Variants in ADCY3 observed in about 807,000 individuals in gnomAD.
The protein encoded by ADCY3 is adenylate cyclase type 3.
Under a neutral mutation model 119.4 loss-of-function variants are expected in ADCY3, and 70 were observed. The observed-to-expected ratio is 0.59, with a 90% CI of 0.48 to 0.72. The LOEUF is 0.72. Ranked by LOEUF, ADCY3 falls within the 30% of genes least tolerant of loss-of-function variation. ADCY3 has a pLI of 0.00. For missense variants in ADCY3, 1,238 were observed against 1,541.6 expected (o/e 0.80, Z 3.30); for synonymous variants, 672 against 621.4 (o/e 1.08, Z -1.21).
At chr2:24,912,183 G>T (rs1471758423) in intron 2 of ADCY3, among the ~76,000 whole-genome samples, 1 of 152,036 alleles carries the variant, frequency 6.6e-6, no homozygotes, top group Non-Finnish European at 1.5e-5. Context: ...TTTGGTGATG[G>T]CTGGGCATGG....
rs747591240 is a variant in ADCY3, at chr2:24,834,904, C to T, written c.1695G>A (p.Arg565=). The T allele has an allele frequency of 6.2e-7, 1 of 1,613,784 alleles. No homozygotes were observed. The highest frequency in any genetic ancestry group is 8.5e-7 in the Non-Finnish European group (1 of 1,179,970). ...CAGCCAGGTCCTGCAGGCGCAGCCTCCGGCGTGGGTTGGGGAATGAGGGGT... is the reference window on the plus strand; with the variant it reads ...CAGCCAGGTCCTGCAGGCGCAGCCTTCGGCGTGGGTTGGGGAATGAGGGGT... ...ADNPSFPNPR[R]RLRLQDLADR... Residue 565 remains arginine, a synonymous_variant, in exon 10 of 22, where the codon CGG becomes CGA. Transcript: ENST00000679454. This position sits in a 1 kb window ranked among gnomAD's most constrained non-coding sequence, Gnocchi z 4.2.
chr2:24,834,761 T>C lies in ADCY3; in HGVS notation c.1805+33A>G. The C allele has an allele frequency of 6.2e-7, 1 of 1,601,506 alleles. No homozygotes were observed. The highest frequency in any genetic ancestry group is 1.1e-5 in the South Asian group (1 of 90,800). On this transcript the variant is annotated intron_variant, in intron 10 of 21. Transcript: ENST00000679454. This position sits in a 1 kb window ranked among gnomAD's most constrained non-coding sequence, Gnocchi z 4.2. ...ATCCCTTGTCAGGGCCCGGGAGGAG[T>C]GGTGGGCCTGGACGCTTCCGGGTGG...
rs146553503 is a variant in ADCY3 at position 24,820,741 on chromosome 2, C to G, written c.3235G>C (p.Val1079Leu). The G allele has an allele frequency of 1.2e-6, 2 of 1,613,972 alleles. No individual in the cohort carries two copies. The highest frequency in any genetic ancestry group is 1.7e-5 in the Admixed American group (1 of 59,998). Residue 1079 changes from valine to leucine, a missense_variant, in exon 21 of 22, where the codon GTC (valine) becomes CTC (leucine). Val to Leu is a conservative substitution (Grantham distance 32). This residue lies in a region of ADCY3 where 43 missense variants were observed against 77.0 expected (regional missense o/e 0.56). Coordinates refer to ENST00000679454, the MANE Select transcript of ADCY3 (RefSeq NM_004036.5). Reference protein sequence around the residue: ...NVASRMESTGVMGNIQVVEET... With the variant: ...NVASRMESTGLMGNIQVVEET... ...GGACATACCTGAATGTTGCCCATGA[C>G]CCCCGTGGACTCCATCCTGCTGGCT...
chr2:24,916,427 T>C (rs1376517249), intron 2 of ADCY3, among the ~76,000 whole-genome samples: 2 of 152,220 alleles, frequency 1.3e-5, no homozygotes, highest in Non-Finnish European at 2.9e-5. Context: ...CTCACGCCTG[T>C]AATCCCAGCA....
chr2:24,827,455 G>A, intron 15 of ADCY3, 91 bp downstream of exon 15: 1 of 1,409,550 alleles, frequency 7.1e-7, no homozygotes, highest in Non-Finnish European at 9.8e-7. Flanking sequence ...CCTCCCGGGA[G>A]GGTGAGATCC....
At chr2:24,915,603 C>G (rs949552096) in intron 2 of ADCY3, among the ~76,000 whole-genome samples, 1 of 152,114 alleles carries the variant, frequency 6.6e-6, no homozygotes, top group African/African-American at 2.4e-5. Flanking sequence ...TGCAGTGGTG[C>G]GATCTCGGCT....
At position 24,836,923 on chromosome 2, in the gene ADCY3, A is replaced by G; in HGVS notation, c.1656T>C (p.Asp552=). 1 of 1,612,436 alleles carries G rather than the reference A, an allele frequency of 6.2e-7. No individual in the cohort carries two copies. Among genetic ancestry groups the G allele is most frequent in the Non-Finnish European group, 8.5e-7 (1 of 1,179,716 alleles). Residue 552 remains aspartate (D), a synonymous_variant, in exon 9 of 22, where the codon GAT becomes GAC. Transcript: ENST00000679454. The part of the protein sequence containing the change: ...GSTSEKPEEQ[D]AQADNPSFPN... Reference sequence around the variant, plus strand: ...CCCTGAGCCCTGCACATACCTGGGCATCCTGCTCCTCGGGCTTCTCCGACG... The same window carrying G: ...CCCTGAGCCCTGCACATACCTGGGCGTCCTGCTCCTCGGGCTTCTCCGACG...
At chr2:24,852,010 G>A (rs1672353865) in intron 3 of ADCY3, among the ~76,000 whole-genome samples, 1 of 152,298 alleles carries the variant, frequency 6.6e-6, no homozygotes, top group East Asian at 1.9e-4. Context: ...AATAATTGCT[G>A]TCACAGTGAT....
chr2:24,837,490 T>A (rs1287407783), intron 8 of ADCY3, among the ~76,000 whole-genome samples: 2 of 152,076 alleles, frequency 1.3e-5, no homozygotes, highest in Non-Finnish European at 2.9e-5. Flanking sequence ...GCGGGGAGTA[T>A]CAGCCTTCAC....
intron 3 of ADCY3, among the ~76,000 whole-genome samples, chr2:24,845,447 C>T (rs1344684006): frequency 6.6e-6 from 1 of 152,160 alleles, no homozygotes; most frequent in Non-Finnish European, 1.5e-5. Flanking sequence ...TATGTTTTAG[C>T]AAAGAGATTG....
At chr2:24,836,050 G>A (rs1283422500) in intron 9 of ADCY3, among the ~76,000 whole-genome samples, 1 of 152,040 alleles carries the variant, frequency 6.6e-6, no homozygotes, top group Non-Finnish European at 1.5e-5. Context: ...GTAAAATCAC[G>A]TGGATGGTCT....
At chr2:24,833,096 G>A (rs1471859163) in intron 11 of ADCY3, among the ~76,000 whole-genome samples, 1 of 152,218 alleles carries the variant, frequency 6.6e-6, no homozygotes, top group Admixed American at 6.5e-5. Context: ...TGTCTGGGCC[G>A]CTATTTGGTC....
chr2:24,825,973 G>T lies in ADCY3; in HGVS notation c.2577+72C>A. Reference sequence around the variant, plus strand: ...ATTCCTTAGGAGCTTGGGCTCTTAGGTCCCAGGGCTGCTTCTCAGGAGGCC... The same window carrying T: ...ATTCCTTAGGAGCTTGGGCTCTTAGTTCCCAGGGCTGCTTCTCAGGAGGCC... On this transcript the variant is annotated intron_variant, in intron 16 of 21. Transcript: ENST00000679454. 2.1e-6 allele frequency: 3 copies of T among 1,460,750 alleles called. No homozygotes were observed. The South Asian group carries it at 3.5e-5, about 17-fold the overall frequency. The allele number at this position is 1,460,750 out of a possible 1,614,324, so 90.5% of individuals were successfully genotyped here. A position where few individuals can be genotyped will look rare whatever the true frequency, so the allele number is the denominator to read the frequency against.
chr2:24,842,516 C>T lies in ADCY3; in HGVS notation c.826-132G>A, dbSNP rs532830656. 1.7e-6 allele frequency: 2 copies of T among 1,207,084 alleles called. No individual in the cohort carries two copies. The highest frequency in any genetic ancestry group is 1.5e-5 in the African/African-American group (1 of 66,024). The allele number at this position is 1,207,084 out of a possible 1,614,324, so 74.8% of individuals were successfully genotyped here. On this transcript the variant is annotated intron_variant, in intron 3 of 21. Transcript: ENST00000679454. The surrounding 1 kb of genome is among the most constrained non-coding windows in gnomAD (Gnocchi z 4.9). ...GAACCATGCTGCCCTCCAGAGAGACCTCACAGATCTGCCTCGGGAGCAGCC... is the reference window on the plus strand; with the variant it reads ...GAACCATGCTGCCCTCCAGAGAGACTTCACAGATCTGCCTCGGGAGCAGCC...
chr2:24,878,949 C>T lies in ADCY3; in HGVS notation c.676-6230G>A, dbSNP rs13409486. Among the ~76,000 whole-genome samples the T allele has an allele frequency of 0.029, 4,492 of 152,316 alleles. 91 individuals carry two copies. The highest frequency in any genetic ancestry group is 0.055 in the African/African-American group (2,266 of 41,558). On this transcript the variant is annotated intron_variant, in intron 2 of 21. Transcript: ENST00000679454. This position sits in a 1 kb window ranked among gnomAD's most constrained non-coding sequence, Gnocchi z 4.0. The stretch of plus-strand genomic sequence containing the variant: ...GCCTCGTCGCCTGGAAAGCAAACTC[C>T]ATGCAGCCGGGACACGGGTTGTTTC...
At chr2:24,853,261 C>T (rs1328385440) in intron 3 of ADCY3, among the ~76,000 whole-genome samples, 23 of 152,076 alleles carry the variant, frequency 1.5e-4, no homozygotes, top group Non-Finnish European at 2.8e-4. Context: ...CGACGTATGG[C>T]GACCTTGCCC....
At chr2:24,914,785 C>T (rs578195870) in intron 2 of ADCY3, among the ~76,000 whole-genome samples, 18 of 152,276 alleles carry the variant, frequency 1.2e-4, no homozygotes, top group Middle Eastern at 3.4e-3. Context: ...ACATCCTCCC[C>T]GCCCCAGCAC....
Position 24,918,732 on chromosome 2 carries a change from C to T in ADCY3, c.256G>A (p.Ala86Thr), listed in dbSNP as rs1158174443. The T allele has an allele frequency of 6.2e-7, 1 of 1,614,080 alleles. No individual in the cohort carries two copies. Among genetic ancestry groups the T allele is most frequent in the East Asian group, 2.2e-5 (1 of 44,874 alleles). ...ACCACCACGTAGCAGTCAAAGAGGG[C>T]TGCAAAGACCACCAGCACCAGCAGG... ...ETLLVLVVFA[A>T]LFDCYVVVMC... The change falls in exon 2 of 22, where the codon GCC (alanine) becomes ACC (threonine). Residue 86 changes from alanine (A) to threonine (T), a missense_variant. Transcript: ENST00000679454. This position sits in a 1 kb window ranked among gnomAD's most constrained non-coding sequence, Gnocchi z 5.4.
At chr2:24,844,288 A>C (rs1315884407) in intron 3 of ADCY3, among the ~76,000 whole-genome samples, 1 of 152,024 alleles carries the variant, frequency 6.6e-6, no homozygotes, top group Non-Finnish European at 1.5e-5. Flanking sequence ...CTCTGTGCCT[A>C]GGGTGCAGGT....
Sources: allele counts gnomAD v4.1 joint callset (sites outside exome capture counted in the v4.1 genomes callset), GRCh38; gene constraint gnomAD v4.1.1; regional missense constraint gnomAD v4.1.1; non-coding constraint Gnocchi (gnomAD v3.1); transcripts MANE v1.5; gene names NCBI Gene and HGNC (gene_info 2026-07-23, HGNC 2026-07-21).